FYB2: variants seen among roughly 807,000 people sequenced by gnomAD.
The protein encoded by FYB2 is FYN binding protein 2.
FYB2 carries 103 observed loss-of-function variants against 94.1 expected under a neutral mutation model. The observed-to-expected ratio is 1.09, with a 90% confidence interval of 0.93 to 1.29. FYB2 has a LOEUF of 1.29. Among genes scored for constraint, FYB2 ranks in the 50% most tolerant of loss-of-function variants. FYB2 has a pLI of 0.00. For missense variants in FYB2, 896 were observed against 841.5 expected, an observed-to-expected ratio of 1.06 and a Z score of -0.80; for synonymous variants, 293 against 287.9, an observed-to-expected ratio of 1.02 and a Z score of -0.18.
In FYB2 at chr1:56,815,613, G is replaced by C. The variant is rs542983439; in HGVS notation, c.9+3669C>G. The stretch of plus-strand genomic sequence containing the variant: ...TGGGGCACACTGGATAAGTCGTTAT[G>C]AAGTGTGTTGGCATTTTCTGCCTCT... On this transcript the variant is annotated intron_variant, in intron 1 of 19. Coordinates refer to ENST00000343433, the MANE Select transcript of FYB2 (RefSeq NM_001004303.5). Among the ~76,000 whole-genome samples, 89 of 152,286 alleles carry C rather than the reference G, an allele frequency of 5.8e-4. 4 individuals carry two copies. In the South Asian group the frequency reaches 0.018, roughly 32 times the overall value.
chr1:56,777,880 G>A (rs1557639511), intron 4 of FYB2, among the ~76,000 whole-genome samples: 1 of 152,092 alleles, frequency 6.6e-6, no homozygotes, highest in African/African-American at 2.4e-5. Context: ...CAGCAGCCAA[G>A]ATGATCTTCT....
intron 8 of FYB2, among the ~76,000 whole-genome samples, chr1:56,752,457 A>C (rs1342884139): frequency 6.6e-6 from 1 of 152,084 alleles, no homozygotes; most frequent in Non-Finnish European, 1.5e-5. Context: ...GTACTTGGGA[A>C]AAGCTAATGT....
At chr1:56,803,204 T>C (rs1646561529) in intron 1 of FYB2, among the ~76,000 whole-genome samples, 1 of 152,190 alleles carries the variant, frequency 6.6e-6, no homozygotes, top group African/African-American at 2.4e-5. Flanking sequence ...CATGCTGTGA[T>C]CAAACATGTT....
chr1:56,787,149 T>C, intron 4 of FYB2, 26 bp downstream of exon 4: 1 of 1,613,584 alleles, frequency 6.2e-7, no homozygotes, highest in African/African-American at 1.3e-5. Flanking sequence ...GCTACGTTCC[T>C]ACACAACTAA....
At chr1:56,779,590 C>T (rs1645962239) in intron 4 of FYB2, among the ~76,000 whole-genome samples, 1 of 152,140 alleles carries the variant, frequency 6.6e-6, no homozygotes, top group Admixed American at 6.6e-5. Context: ...AGAACAGAAT[C>T]TTGAAATGTT....
chr1:56,796,086 TG>T (rs1441738818), intron 1 of FYB2, among the ~76,000 whole-genome samples: 6 of 152,204 alleles, frequency 3.9e-5, no homozygotes, highest in Non-Finnish European at 7.3e-5. Flanking sequence ...AGTGACTGGG[TG>T]TCTACCACTG....
At chr1:56,749,307 A>C (rs951956118) in intron 9 of FYB2, among the ~76,000 whole-genome samples, 2 of 151,728 alleles carry the variant, frequency 1.3e-5, no homozygotes, top group African/African-American at 4.8e-5. Context: ...CTTTTATGGA[A>C]TTCTGATTTT....
chr1:56,720,477 A>C, intron 17 of FYB2, 148 bp from the exon 18 acceptor site: 1 of 611,040 alleles, frequency 1.6e-6, no homozygotes, highest in Non-Finnish European at 2.5e-6. Flanking sequence ...AGAAAATAGG[A>C]AAGTATGCAG....
chr1:56,790,303 C>T (rs1369520087), intron 2 of FYB2, among the ~76,000 whole-genome samples: 5 of 152,166 alleles, frequency 3.3e-5, no homozygotes, highest in South Asian at 4.1e-4. Flanking sequence ...CCCAGAAACT[C>T]GGGCCCAAAG....
At chr1:56,720,486 A>C (rs1215704805) in intron 17 of FYB2, 157 bp from the exon 18 acceptor site, 2 of 552,252 alleles carry the variant, frequency 3.6e-6, no homozygotes, top group East Asian at 3.4e-5. Context: ...GAAAGTATGC[A>C]GTTAAAGGAA....
intron 5 of FYB2, among the ~76,000 whole-genome samples, chr1:56,767,462 A>G (rs1557628421): frequency 1.3e-5 from 2 of 152,320 alleles, no homozygotes; most frequent in African/African-American, 4.8e-5. Context: ...GGGAACTTCA[A>G]GAAAGACACC....
chr1:56,770,008 C>A (rs1645717150), intron 4 of FYB2, among the ~76,000 whole-genome samples: 1 of 151,980 alleles, frequency 6.6e-6, no homozygotes, highest in Non-Finnish European at 1.5e-5. Flanking sequence ...TAATATTAGA[C>A]CAACTTCAGT....
chr1:56,757,051 A>T (rs1450316390), intron 6 of FYB2, among the ~76,000 whole-genome samples: 1 of 152,164 alleles, frequency 6.6e-6, no homozygotes, highest in African/African-American at 2.4e-5. Context: ...AAGAGATCAG[A>T]TTCCACTCAC....
At chr1:56,814,026 G>C (rs1299821963) in intron 1 of FYB2, among the ~76,000 whole-genome samples, 2 of 152,182 alleles carry the variant, frequency 1.3e-5, no homozygotes, top group Non-Finnish European at 2.9e-5. Context: ...TCTGATCAAA[G>C]GGCCTAGGGT....
intron 15 of FYB2, among the ~76,000 whole-genome samples, chr1:56,728,690 G>T (rs184065009): frequency 7.2e-5 from 11 of 152,208 alleles, no homozygotes; most frequent in African/African-American, 2.4e-4. Context: ...TCACCTTCTT[G>T]AAGAGGCTTT....
chr1:56,769,992 G>A (rs1645716893), intron 4 of FYB2, among the ~76,000 whole-genome samples: 1 of 152,144 alleles, frequency 6.6e-6, no homozygotes, highest in South Asian at 2.1e-4. Context: ...ACTGAAGCAG[G>A]TATATTAATA....
At chr1:56,785,868 C>T (rs1328093235) in intron 4 of FYB2, among the ~76,000 whole-genome samples, 1 of 152,182 alleles carries the variant, frequency 6.6e-6, no homozygotes, top group Non-Finnish European at 1.5e-5. Flanking sequence ...CTTCCTGCAT[C>T]CCTGCTTTTT....
At chr1:56,786,801 T>C (rs528898425) in intron 4 of FYB2, among the ~76,000 whole-genome samples, 13 of 152,122 alleles carry the variant, frequency 8.5e-5, no homozygotes, top group African/African-American at 3.1e-4. Flanking sequence ...TTAGAAGGAG[T>C]ACACCAAAAA....
At chr1:56,747,661 T>C (rs1645100674) in intron 9 of FYB2, among the ~76,000 whole-genome samples, 1 of 152,154 alleles carries the variant, frequency 6.6e-6, no homozygotes, top group Admixed American at 6.5e-5. Flanking sequence ...CTATCATTGA[T>C]GGATTGTTTC....
Sources: gnomAD v4.1 joint callset for allele counts (sites outside exome capture counted in the v4.1 genomes callset) on GRCh38, gnomAD v4.1.1 for gene constraint, MANE v1.5 for transcripts, NCBI Gene and HGNC (gene_info 2026-07-23, HGNC 2026-07-21) for gene names.